Variants in ATAD2B observed in about 807,000 individuals in gnomAD.
The protein encoded by ATAD2B is ATPase family AAA domain-containing protein 2B.
Under a neutral mutation model 167.6 loss-of-function variants are expected in ATAD2B, and 40 were observed. That is an observed-to-expected ratio of 0.24 (90% CI 0.19 to 0.31). The LOEUF (loss-of-function observed/expected upper bound fraction) is 0.31, where lower values mean the gene tolerates loss of function less well. Ranked by LOEUF, ATAD2B falls within the 10% of genes least tolerant of loss-of-function variation. ATAD2B has a pLI of 1.00. For synonymous variants in ATAD2B, 579 were observed against 596.5 expected (o/e 0.97, Z 0.43); for missense variants, 1,242 against 1,757.2 (o/e 0.71, Z 5.24).
At position 23,875,694 on chromosome 2, in the gene ATAD2B, T is replaced by C. The variant is rs1396490326; in HGVS notation, c.977+135A>G. The C allele has an allele frequency of 4.4e-6, 3 of 682,954 alleles. No individual in the cohort carries two copies. In the African/African-American group the frequency reaches 5.4e-5, roughly 12 times the overall value. 42.3% of individuals were successfully genotyped at this position (682,954 alleles called of 1,614,324 possible). ...AATGTAACTGTTAAAACAACAAATATTCCAGGCAAACTGAATCTGGAAGAT... is the reference window on the plus strand; with the variant it reads ...AATGTAACTGTTAAAACAACAAATACTCCAGGCAAACTGAATCTGGAAGAT... On this transcript the variant is annotated intron_variant, in intron 8 of 27. Coordinates refer to ENST00000238789, the MANE Select transcript of ATAD2B (RefSeq NM_017552.4).
chr2:23,898,590 C>T (rs953458485), intron 1 of ATAD2B, among the ~76,000 whole-genome samples: 1 of 152,210 alleles, frequency 6.6e-6, no homozygotes, highest in East Asian at 1.9e-4. Flanking sequence ...CCTCTTGAGA[C>T]TGTGTCTTGG....
At chr2:23,816,276 G>A (rs1483278388) in intron 17 of ATAD2B, among the ~76,000 whole-genome samples, 1 of 152,144 alleles carries the variant, frequency 6.6e-6, no homozygotes, top group Non-Finnish European at 1.5e-5. Context: ...TACACTCTTT[G>A]ACACAGCAAT....
chr2:23,866,688 TAATA>T (rs1372390230), intron 10 of ATAD2B, among the ~76,000 whole-genome samples: 2 of 152,200 alleles, frequency 1.3e-5, no homozygotes, highest in African/African-American at 4.8e-5. Context: ...AGGGTCCCAT[TAATA>T]AATAAGATAA....
intron 22 of ATAD2B, among the ~76,000 whole-genome samples, chr2:23,778,128 GAA>G (rs147393169): frequency 2.8e-5 from 4 of 142,778 alleles, no homozygotes; most frequent in Non-Finnish European, 6.2e-5. Flanking sequence ...CTGTTGCTAA[GAA>G]AAAAAAAAGA....
chr2:23,896,444 A>G (rs1479654250), intron 1 of ATAD2B, among the ~76,000 whole-genome samples: 10 of 152,242 alleles, frequency 6.6e-5, no homozygotes, highest in Non-Finnish European at 1.0e-4. Context: ...TAAAAACAAG[A>G]AAGATTACAT....
Position 23,903,227 on chromosome 2 carries a change from C to T in ATAD2B, c.217-7257G>A, listed in dbSNP as rs554959295. ...CTCCAGTCTGGGCAACAGAGCAAGACTGTGTCTCAAAAATAAATAAATAAA... is the reference window on the plus strand; with the variant it reads ...CTCCAGTCTGGGCAACAGAGCAAGATTGTGTCTCAAAAATAAATAAATAAA... On this transcript the variant is annotated intron_variant, in intron 1 of 27. Coordinates refer to ENST00000238789, the MANE Select transcript of ATAD2B (RefSeq NM_017552.4). 2.7e-4 allele frequency among the ~76,000 whole-genome samples: 29 copies of T among 107,306 alleles called. No individual in the cohort carries two copies. The South Asian group carries it at 9.7e-3, about 36-fold the overall frequency. 70.4% of individuals were successfully genotyped at this position (107,306 alleles called of 152,430 possible).
chr2:23,814,809 C>G (rs1375975258), intron 17 of ATAD2B, among the ~76,000 whole-genome samples: 1 of 151,928 alleles, frequency 6.6e-6, no homozygotes, highest in Non-Finnish European at 1.5e-5. Flanking sequence ...AATCCCAGCA[C>G]TTTGGGAGGC....
intron 1 of ATAD2B, among the ~76,000 whole-genome samples, chr2:23,924,881 C>T (rs142180116): frequency 3.9e-5 from 6 of 152,262 alleles, no homozygotes; most frequent in African/African-American, 1.4e-4. Context: ...ATTACCTCAC[C>T]TTATTCCTCG....
At chr2:23,832,911 T>C (rs1023122866) in intron 14 of ATAD2B, among the ~76,000 whole-genome samples, 1 of 152,232 alleles carries the variant, frequency 6.6e-6, no homozygotes, top group Non-Finnish European at 1.5e-5. Context: ...AAGTAGACTG[T>C]ACCTACTTCA....
At chr2:23,899,705 T>G (rs923742867) in intron 1 of ATAD2B, among the ~76,000 whole-genome samples, 4 of 152,044 alleles carry the variant, frequency 2.6e-5, no homozygotes, top group African/African-American at 9.7e-5. Flanking sequence ...ATTATCCTGC[T>G]TCAGCCTCCT....
Position 23,883,636 on chromosome 2 carries a change from C to G in ATAD2B, c.784+1129G>C, listed in dbSNP as rs1240492095. On this transcript the variant is annotated intron_variant, in intron 6 of 27. Transcript: ENST00000238789. Reference sequence around the variant, plus strand: ...AAAGGAAGCAATTTAGAGGTTCTAGCTGTAACAACAATAATATTTGCTCAA... The same window carrying G: ...AAAGGAAGCAATTTAGAGGTTCTAGGTGTAACAACAATAATATTTGCTCAA... The G allele has an allele frequency of 2.3e-6, 3 of 1,288,992 alleles. No individual in the cohort carries two copies. The East Asian group carries it at 1.7e-4, about 73-fold the overall frequency. 79.8% of individuals were successfully genotyped at this position (1,288,992 alleles called of 1,614,324 possible).
chr2:23,865,847 T>A (rs1003673948), intron 10 of ATAD2B: 1 of 198,638 alleles, frequency 5.0e-6, no homozygotes, highest in African/African-American at 2.4e-5. Flanking sequence ...CTCCCACCCA[T>A]AATAGTTTAA....
At chr2:23,822,837 T>C (rs937136440) in intron 16 of ATAD2B, among the ~76,000 whole-genome samples, 1 of 137,838 alleles carries the variant, frequency 7.3e-6, no homozygotes, top group Non-Finnish European at 1.5e-5. Flanking sequence ...AGAATCGCTG[T>C]ACCCGGGAGG....
chr2:23,763,840 C>A (rs980121244), intron 23 of ATAD2B, among the ~76,000 whole-genome samples: 5 of 152,210 alleles, frequency 3.3e-5, no homozygotes, highest in Non-Finnish European at 5.9e-5. Flanking sequence ...GATCCTCCAA[C>A]CTCTGCCACC....
chr2:23,705,412 A>C, the ATAD2B span, among the ~76,000 whole-genome samples: 1 of 152,074 alleles, frequency 6.6e-6, no homozygotes. Context: ...GAATTGCTTG[A>C]ACCTGGGAGG....
chr2:23,925,463 A>C (rs1375674259), intron 1 of ATAD2B, among the ~76,000 whole-genome samples: 1 of 152,216 alleles, frequency 6.6e-6, no homozygotes, highest in East Asian at 1.9e-4. Flanking sequence ...AACATAAAAT[A>C]TTGCTTTCCC....
rs1704946384 is a variant in ATAD2B at position 23,926,835 on chromosome 2, C to T, written c.-65G>A. 2.8e-6 allele frequency: 4 copies of T among 1,449,316 alleles called. No homozygotes were observed. The African/African-American group carries it at 4.4e-5, about 16-fold the overall frequency. 89.8% of individuals were successfully genotyped at this position (1,449,316 alleles called of 1,614,324 possible). ...GAGCCGAGCAAGGCCGGCCCGCCGG[C>T]CGGTCAGTCAGGGCCAGCGGAGCCG... On this transcript the variant is annotated 5_prime_UTR_variant, in exon 1 of 28. Transcript: ENST00000238789.
Position 23,858,311 on chromosome 2 carries a change from G to A in ATAD2B, c.1480-808C>T, listed in dbSNP as rs543592460. Among the ~76,000 whole-genome samples, 191 of 151,226 alleles carry A rather than the reference G, an allele frequency of 1.3e-3. 1 individual carries two copies. In the Middle Eastern group the frequency reaches 0.014, roughly 11 times the overall value. On this transcript the variant is annotated intron_variant, in intron 12 of 27. Transcript: ENST00000238789. ...AATTTTTGTATTTTTAGTAGAGATGGGGTTTCATCATGTTGGCCAGGCTGT... is the reference window on the plus strand; with the variant it reads ...AATTTTTGTATTTTTAGTAGAGATGAGGTTTCATCATGTTGGCCAGGCTGT...
intron 12 of ATAD2B, among the ~76,000 whole-genome samples, chr2:23,860,199 G>A (rs1694131711): frequency 6.6e-6 from 1 of 152,148 alleles, no homozygotes. Context: ...CTGACCAGAT[G>A]CCTTGATTTT....
Sources: allele counts gnomAD v4.1 joint callset (sites outside exome capture counted in the v4.1 genomes callset), GRCh38; gene constraint gnomAD v4.1.1; transcripts MANE v1.5; gene names NCBI Gene and HGNC (gene_info 2026-07-23, HGNC 2026-07-21).